Variants in CCDC25 observed in about 807,000 individuals in gnomAD.
CCDC25 encodes the protein coiled-coil domain containing 25.
Under a neutral mutation model 35.3 loss-of-function variants are expected in CCDC25, and 16 were observed. The observed-to-expected ratio is 0.45, with a 90% CI of 0.31 to 0.69. The LOEUF (loss-of-function observed/expected upper bound fraction) is 0.69, where lower values mean the gene tolerates loss of function less well. CCDC25 is among the 30% of genes least tolerant of loss of function. CCDC25 has a pLI of 0.06. For synonymous variants in CCDC25, 79 were observed against 80.3 expected, an observed-to-expected ratio of 0.98 and a Z score of 0.09; for missense variants, 179 against 250.7, an observed-to-expected ratio of 0.71 and a Z score of 1.93.
chr8:27,764,585 G>A (rs1804336916), intron 2 of CCDC25: 1 of 225,550 alleles, frequency 4.4e-6, no homozygotes, highest in South Asian at 4.3e-5. Flanking sequence ...GGCCTCTTAC[G>A]TTTTTTTCTA....
chr8:27,750,936 G>A (rs1803778993), intron 5 of CCDC25, among the ~76,000 whole-genome samples: 1 of 152,116 alleles, frequency 6.6e-6, no homozygotes, highest in South Asian at 2.1e-4. Flanking sequence ...AGTGTCCTCT[G>A]GAAATCTCAT....
intron 1 of CCDC25, among the ~76,000 whole-genome samples, chr8:27,770,911 G>C (rs971423472): frequency 2.6e-5 from 4 of 152,144 alleles, no homozygotes; most frequent in African/African-American, 9.7e-5. Context: ...AAGTACAGTA[G>C]TCCCCCCTTA....
intron 3 of CCDC25, among the ~76,000 whole-genome samples, chr8:27,760,002 T>A (rs1189739285): frequency 1.3e-5 from 2 of 152,030 alleles, no homozygotes; most frequent in Admixed American, 6.5e-5. Context: ...CTGGAATATG[T>A]CCAAAATTGA....
At position 27,734,162 on chromosome 8, in the gene CCDC25, C is replaced by A. The variant is rs1803132677; in HGVS notation, c.*2054G>T. 6.6e-6 allele frequency: 1 copy of A among 152,202 alleles called. No individual in the cohort carries two copies. Among genetic ancestry groups the A allele is most frequent in the Non-Finnish European group, 1.5e-5 (1 of 68,036 alleles). The allele number at this position is 152,202 out of a possible 1,614,324, so 9.4% of individuals were successfully genotyped here. A position where few individuals can be genotyped will look rare whatever the true frequency, so the allele number is the denominator to read the frequency against. ...GTAAACTTCTCAATATTTGTTCTAG[C>A]CCAACCACGGTGACAAAGCTCCCTT... On this transcript the variant is annotated 3_prime_UTR_variant, in exon 9 of 9. Transcript: ENST00000356537.
In CCDC25 at chr8:27,737,240, T is replaced by C. The variant is rs1170291924; in HGVS notation, c.598-995A>G. ...AAAGAACAGACTAATGATTGTGTTA[T>C]ATCCAGGCGCAAAGACTATGATTGC... On this transcript the variant is annotated intron_variant, in intron 8 of 8. Transcript: ENST00000356537. The surrounding 1 kb of genome is among the most constrained non-coding windows in gnomAD (Gnocchi z 4.6). 1.3e-5 allele frequency among the ~76,000 whole-genome samples: 2 copies of C among 152,192 alleles called. No individual in the cohort carries two copies. Among genetic ancestry groups the C allele is most frequent in the African/African-American group, 2.4e-5 (1 of 41,460 alleles).
chr8:27,767,237 A>G (rs1258087118), intron 1 of CCDC25, among the ~76,000 whole-genome samples: 2 of 152,144 alleles, frequency 1.3e-5, no homozygotes, highest in African/African-American at 4.8e-5. Flanking sequence ...GTGGTGGCAC[A>G]CGCCAGTGGT....
In CCDC25 at chr8:27,740,528, A is replaced by G. The variant is rs1803400367; in HGVS notation, c.552-11T>C. 1 of 1,606,086 alleles carries G rather than the reference A, an allele frequency of 6.2e-7. No individual in the cohort carries two copies. The highest frequency in any genetic ancestry group is 1.3e-5 in the African/African-American group (1 of 74,776). On this transcript the variant is annotated splice_polypyrimidine_tract_variant and intron_variant, in intron 7 of 8. Transcript: ENST00000356537. ...AGTGATGAATAGCTCCTAGAAGGAA[A>G]AAAACACACACACACATTTAAAATA...
chr8:27,753,079 T>C (rs1204572228), intron 4 of CCDC25: 1 of 152,682 alleles, frequency 6.5e-6, no homozygotes, highest in Non-Finnish European at 1.5e-5. Flanking sequence ...GTTATTGTTG[T>C]GTAGATCTCA....
At position 27,737,795 on chromosome 8, in the gene CCDC25, C is replaced by A. The variant is rs1803287275; in HGVS notation, c.598-1550G>T. 6.6e-6 allele frequency among the ~76,000 whole-genome samples: 1 copy of A among 151,966 alleles called. No homozygotes were observed. The highest frequency in any genetic ancestry group is 1.5e-5 in the Non-Finnish European group (1 of 67,998). ...TTGCACACACATGTTTACAGTGGCA[C>A]AATTCACAATTGCAAAATTGTGGAA... is the stretch of plus-strand genomic sequence containing the variant. On this transcript the variant is annotated intron_variant, in intron 8 of 8. Coordinates refer to ENST00000356537, the MANE Select transcript of CCDC25 (RefSeq NM_018246.3). The surrounding 1 kb of genome is among the most constrained non-coding windows in gnomAD (Gnocchi z 4.6).
Position 27,772,608 on chromosome 8 carries a change from C to T in CCDC25, c.-68G>A, listed in dbSNP as rs1585385777. 3 of 1,498,258 alleles carry T rather than the reference C, an allele frequency of 2.0e-6. No individual in the cohort carries two copies. The highest frequency in any genetic ancestry group is 2.8e-5 in the African/African-American group (2 of 71,916). 92.8% of individuals were successfully genotyped at this position (1,498,258 alleles called of 1,614,324 possible). A position where few individuals can be genotyped will look rare whatever the true frequency, so the allele number is the denominator to read the frequency against. ...GCTCAACTCACGAAGCTCAGGATAC[C>T]AGACTCGCGGCGGCCGCCTGGCCCC... On this transcript the variant is annotated 5_prime_UTR_variant, in exon 1 of 9. Coordinates refer to ENST00000356537, the MANE Select transcript of CCDC25 (RefSeq NM_018246.3).
At chr8:27,751,549 C>T (rs1386386335) in intron 5 of CCDC25, among the ~76,000 whole-genome samples, 2 of 152,180 alleles carry the variant, frequency 1.3e-5, no homozygotes, top group African/African-American at 4.8e-5. Context: ...ACTCCTGGTA[C>T]CTGTTATCAG....
At chr8:27,765,373 C>T in intron 1 of CCDC25, 122 bp from the exon 2 acceptor site, 1 of 761,306 alleles carries the variant, frequency 1.3e-6, no homozygotes, top group Non-Finnish European at 1.9e-6. Context: ...TGATCCAAAT[C>T]CAGCCTACCA....
chr8:27,742,384 C>T (rs556210374), intron 7 of CCDC25, among the ~76,000 whole-genome samples: 3 of 152,296 alleles, frequency 2.0e-5, no homozygotes, highest in African/African-American at 7.2e-5. Flanking sequence ...CAACAGGTTG[C>T]ATGAGCAGGA....
At chr8:27,755,040 C>T (rs541604376) in intron 4 of CCDC25, among the ~76,000 whole-genome samples, 3 of 152,296 alleles carry the variant, frequency 2.0e-5, no homozygotes, top group African/African-American at 7.2e-5. Context: ...TTTTTCACAT[C>T]AGACATGACA....
At chr8:27,768,567 A>T (rs1489896121) in intron 1 of CCDC25, among the ~76,000 whole-genome samples, 3 of 150,892 alleles carry the variant, frequency 2.0e-5, no homozygotes, top group African/African-American at 7.3e-5. Flanking sequence ...TCCATCTCAA[A>T]AAAAAAAAAA....
chr8:27,748,623 A>G, intron 5 of CCDC25, 25 bp from the exon 6 acceptor site: 2 of 1,540,604 alleles, frequency 1.3e-6, no homozygotes, highest in Non-Finnish European at 9.0e-7. Context: ...TGTCTTCAAC[A>G]TGCAGGCAGG....
At chr8:27,756,517 C>T in intron 4 of CCDC25, 1 of 552,310 alleles carries the variant, frequency 1.8e-6, no homozygotes, top group Non-Finnish European at 3.2e-6. Context: ...GAAATATGTA[C>T]ACTGCCTCCT....
chr8:27,760,997 T>G (rs1199710476), intron 3 of CCDC25, among the ~76,000 whole-genome samples: 1 of 151,806 alleles, frequency 6.6e-6, no homozygotes, highest in Non-Finnish European at 1.5e-5. Context: ...GGCATGATGA[T>G]GGGTGCCTGT....
chr8:27,765,183 C>A, intron 2 of CCDC25, 21 bp downstream of exon 2: 2 of 1,499,594 alleles, frequency 1.3e-6, no homozygotes, highest in South Asian at 2.4e-5. Flanking sequence ...ATTTCAAAAT[C>A]AAATGCTTTT....
Sources: allele counts gnomAD v4.1 joint callset (sites outside exome capture counted in the v4.1 genomes callset), GRCh38; gene constraint gnomAD v4.1.1; non-coding constraint Gnocchi (gnomAD v3.1); transcripts MANE v1.5; gene names NCBI Gene and HGNC (gene_info 2026-07-23, HGNC 2026-07-21).